Variants in DOCK9 observed in about 807,000 individuals in gnomAD.
The protein encoded by DOCK9 is dedicator of cytokinesis 9, also known as dedicator of cytokinesis protein 9.
Under a neutral mutation model 263.3 loss-of-function variants are expected in DOCK9, and 89 were observed. That is an observed-to-expected ratio of 0.34 (90% confidence interval 0.28 to 0.40). The LOEUF is 0.40. Among genes scored for constraint, DOCK9 ranks in the 10% least tolerant of loss-of-function variants. The probability of loss-of-function intolerance (pLI) is 1.00; values close to 1 mark genes in which losing one functional copy is unlikely to be tolerated. For synonymous variants in DOCK9, 976 were observed against 973.1 expected, an observed-to-expected ratio of 1.00 and a Z score of -0.06; for missense variants, 2,140 against 2,603.4, an observed-to-expected ratio of 0.82 and a Z score of 3.87.
chr13:98,885,536 T>TAAA (rs11411440), intron 20 of DOCK9, 172 bp downstream of exon 20: 687 of 477,350 alleles, frequency 1.4e-3, no homozygotes, highest in Middle Eastern at 3.3e-3. Flanking sequence ...GCTCAAAAAT[T>TAAA]AAAAAAAAAA....
rs1431418663 is a variant in DOCK9 at position 98,797,417 on chromosome 13, T to C, written c.5989A>G (p.Lys1997Glu). 6.2e-7 allele frequency: 1 copy of C among 1,613,594 alleles called. No homozygotes were observed. Among genetic ancestry groups the C allele is most frequent in the African/African-American group, 1.3e-5 (1 of 74,942 alleles). The change falls in exon 51 of 53, where the codon AAA becomes GAA. Residue 1997 changes from lysine (K) to glutamate (E), a missense_variant. Lys to Glu is a moderately conservative substitution (Grantham distance 56). Transcript: ENST00000682017. ...AAAACTTCCTTAAGCAGCTTCACTT[T>C]ATTGTCAGGATATCGCTTTGTGTTT... ...DTNTKRYPDN[K>E]VKLLKEVFRQ... is the part of the protein sequence containing the mutation.
At position 98,900,408 on chromosome 13, in the gene DOCK9, T is replaced by C. The variant is rs182592833; in HGVS notation, c.1503+1370A>G. Reference sequence around the variant, plus strand: ...CCTTCATTGATTATTGATCAAAACATAAAAGAGCTAAAAGAGCTTCTCATC... The same window carrying C: ...CCTTCATTGATTATTGATCAAAACACAAAAGAGCTAAAAGAGCTTCTCATC... On this transcript the variant is annotated intron_variant, in intron 13 of 52. Transcript: ENST00000682017. Among the ~76,000 whole-genome samples the C allele has an allele frequency of 5.9e-5, 9 of 152,208 alleles. No individual in the cohort carries two copies. The East Asian group carries it at 1.7e-3, about 29-fold the overall frequency.
chr13:98,992,761 C>T (rs1056881302), intron 1 of DOCK9, among the ~76,000 whole-genome samples: 1 of 152,220 alleles, frequency 6.6e-6, no homozygotes, highest in Admixed American at 6.5e-5. Context: ...TTATAAATTA[C>T]AGTCTCAGGT....
At chr13:99,049,800 G>A (rs1202358416) in intron 1 of DOCK9, among the ~76,000 whole-genome samples, 1 of 152,202 alleles carries the variant, frequency 6.6e-6, no homozygotes, top group African/African-American at 2.4e-5. Context: ...TTACAGGAAT[G>A]AGCAACCACA....
intron 1 of DOCK9, among the ~76,000 whole-genome samples, chr13:99,026,437 T>G (rs1227689440): frequency 1.3e-5 from 2 of 152,172 alleles, no homozygotes; most frequent in South Asian, 4.1e-4. Flanking sequence ...CCAAAAGCAC[T>G]CCTGGCACTG....
chr13:98,977,713 C>T, intron 1 of DOCK9, 71 bp downstream of exon 1: 10 of 1,475,078 alleles, frequency 6.8e-6, no homozygotes, highest in East Asian at 2.4e-5. Flanking sequence ...CAGGCGTCAA[C>T]CCCGTCCACA....
intron 2 of DOCK9, chr13:98,950,281 T>C (rs955356379): frequency 6.5e-6 from 5 of 764,466 alleles, no homozygotes; most frequent in African/African-American, 3.5e-5. Context: ...CGAGGAATCA[T>C]ATAGGAATGA....
intron 1 of DOCK9, among the ~76,000 whole-genome samples, chr13:99,051,855 C>CAAAAAAAAAAAAAAA (rs11392986): frequency 5.7e-5 from 6 of 106,054 alleles, no homozygotes; most frequent in South Asian, 3.6e-4. Flanking sequence ...CCACTAGTGG[C>CAAAAAAAAAAAAAAA]AAAAAAAAAA....
intron 1 of DOCK9, among the ~76,000 whole-genome samples, chr13:98,996,353 C>T (rs920955111): frequency 2.0e-5 from 3 of 152,154 alleles, no homozygotes; most frequent in African/African-American, 4.8e-5. Context: ...TTCCAGATCC[C>T]GAGTAGTACT....
chr13:99,064,874 C>T (rs1324987), intron 1 of DOCK9, among the ~76,000 whole-genome samples: 42,438 of 152,066 alleles, frequency 0.28, 6,295 homozygotes, highest in East Asian at 0.43. Context: ...AAAATGAAGG[C>T]CCCCTAATAG....
intron 1 of DOCK9, among the ~76,000 whole-genome samples, chr13:99,067,684 G>A (rs1187191639): frequency 6.6e-6 from 1 of 152,196 alleles, no homozygotes; most frequent in Non-Finnish European, 1.5e-5. Context: ...ACCAGGCCAA[G>A]ACCATAAAGG....
intron 9 of DOCK9, among the ~76,000 whole-genome samples, chr13:98,912,357 C>T (rs914838853): frequency 3.9e-5 from 6 of 152,080 alleles, no homozygotes; most frequent in Non-Finnish European, 7.4e-5. Flanking sequence ...TGTACAAATG[C>T]GAACTCCAGT....
chr13:98,891,182 G>C (rs1354015914), intron 15 of DOCK9, among the ~76,000 whole-genome samples: 1 of 152,042 alleles, frequency 6.6e-6, no homozygotes, highest in African/African-American at 2.4e-5. Flanking sequence ...CCCAAGCTCT[G>C]GGCACTCCTA....
At chr13:98,951,903 C>CTTTTTTTTTTTTTTTTTTTTTTTTT (rs71114563) in intron 2 of DOCK9, among the ~76,000 whole-genome samples, 5 of 134,892 alleles carry the variant, frequency 3.7e-5, no homozygotes, top group Non-Finnish European at 6.3e-5. Context: ...TTAATATTCC[C>CTTTTTTTTTTTTTTTTTTTTTTTTT]TTTTTTTTTT....
chr13:98,849,441 T>C (rs2093494893), intron 36 of DOCK9, among the ~76,000 whole-genome samples: 1 of 152,054 alleles, frequency 6.6e-6, no homozygotes, highest in Non-Finnish European at 1.5e-5. Context: ...ATTCTTTTTT[T>C]TTTTTTTATT....
At chr13:98,827,790 T>C (rs745402544) in intron 43 of DOCK9, among the ~76,000 whole-genome samples, 9 of 152,322 alleles carry the variant, frequency 5.9e-5, no homozygotes, top group Admixed American at 3.3e-4. Context: ...GGAAAGTACA[T>C]GACGGGTTAC....
chr13:98,902,993 A>C lies in DOCK9; in HGVS notation c.1155T>G (p.Asn385Lys). The C allele has an allele frequency of 6.6e-7, 1 of 1,513,560 alleles. No individual in the cohort carries two copies. The highest frequency in any genetic ancestry group is 1.3e-5 in the South Asian group (1 of 76,860). The allele number at this position is 1,513,560 out of a possible 1,614,324, so 93.8% of individuals were successfully genotyped here. A position where few individuals can be genotyped will look rare whatever the true frequency, so the allele number is the denominator to read the frequency against. Reference sequence around the variant, plus strand: ...TTACATTTGTAGTGGGTCCTTCTTCATTTTCGGCAACACAGCATTGCAAAT... The same window carrying C: ...TTACATTTGTAGTGGGTCCTTCTTCCTTTTCGGCAACACAGCATTGCAAAT... ...SFNLQCCVAENEEGPTTNVEP... is the reference protein window; with the variant it reads ...SFNLQCCVAEKEEGPTTNVEP... The change falls in exon 11 of 53, where the codon AAT becomes AAG. Residue 385 changes from asparagine (N) to lysine (K), a missense_variant. Transcript: ENST00000682017.
chr13:99,075,355 C>CT (rs142464481), intron 1 of DOCK9, among the ~76,000 whole-genome samples: 4,790 of 121,934 alleles, frequency 0.039, 203 homozygotes, highest in Middle Eastern at 0.049. Flanking sequence ...AGCTGTAGTA[C>CT]TTTTTTTTTT....
At chr13:98,804,111 C>T (rs1343873699) in intron 49 of DOCK9, among the ~76,000 whole-genome samples, 3 of 152,194 alleles carry the variant, frequency 2.0e-5, no homozygotes, top group African/African-American at 7.2e-5. Context: ...CAGACAGAAA[C>T]TCAACAACCC....
Sources: allele counts gnomAD v4.1 joint callset (sites outside exome capture counted in the v4.1 genomes callset), GRCh38; gene constraint gnomAD v4.1.1; transcripts MANE v1.5; gene names NCBI Gene and HGNC (gene_info 2026-07-23, HGNC 2026-07-21).